ARMC6: variants seen among roughly 807,000 people sequenced by gnomAD.
ARMC6 encodes armadillo repeat containing 6.
A neutral mutation model predicts 49.2 loss-of-function variants in ARMC6; 43 were observed. The ratio of observed to expected loss-of-function variants is 0.87; its 90% confidence interval spans 0.69 to 1.13. The LOEUF (loss-of-function observed/expected upper bound fraction) is 1.13, where lower values mean the gene tolerates loss of function less well. Among genes scored for constraint, ARMC6 ranks in the 50% most tolerant of loss-of-function variants. The probability of loss-of-function intolerance (pLI) is 0.00; values close to 1 mark genes in which losing one functional copy is unlikely to be tolerated. For synonymous variants in ARMC6, 262 were observed against 289.6 expected (o/e 0.90, Z 0.97); for missense variants, 627 against 682.0 (o/e 0.92, Z 0.90).
intron 4 of ARMC6, among the ~76,000 whole-genome samples, chr19:19,049,090 T>C (rs1447712357): frequency 7.4e-6 from 1 of 134,758 alleles, no homozygotes; most frequent in Admixed American, 8.1e-5. Context: ...TGAGACAGGG[T>C]CTCCCCAGCT....
At chr19:19,034,673 C>T (rs1207443574) in intron 2 of ARMC6, among the ~76,000 whole-genome samples, 1 of 152,146 alleles carries the variant, frequency 6.6e-6, no homozygotes, top group African/African-American at 2.4e-5. Flanking sequence ...ACTGCAACCT[C>T]CACCTCCCGG....
intron 4 of ARMC6, among the ~76,000 whole-genome samples, chr19:19,046,228 G>A (rs761165233): frequency 5.3e-5 from 8 of 151,320 alleles, no homozygotes; most frequent in Non-Finnish European, 1.0e-4. Context: ...ACAGAGTCTC[G>A]CTCTGTCGCC....
intron 4 of ARMC6, among the ~76,000 whole-genome samples, chr19:19,051,214 T>G (rs1568494229): frequency 1.3e-5 from 2 of 152,156 alleles, no homozygotes; most frequent in Non-Finnish European, 2.9e-5. Context: ...TCTTATTGTT[T>G]CTTGTGATTC....
At chr19:19,054,835 G>T (rs1599650177) in intron 6 of ARMC6, among the ~76,000 whole-genome samples, 1 of 152,170 alleles carries the variant, frequency 6.6e-6, no homozygotes, top group African/African-American at 2.4e-5. Context: ...AGCTGAATGG[G>T]AACCAACTTC....
In ARMC6 at chr19:19,054,340, C is replaced by T; in HGVS notation, c.1023+19C>T. The T allele has an allele frequency of 6.6e-7, 1 of 1,515,928 alleles. No individual in the cohort carries two copies. The highest frequency in any genetic ancestry group is 1.3e-5 in the South Asian group (1 of 77,724). 93.9% of individuals were successfully genotyped at this position (1,515,928 alleles called of 1,614,324 possible). A position where few individuals can be genotyped will look rare whatever the true frequency, so the allele number is the denominator to read the frequency against. ...CGTTCAGGTATGAAGTCCCCCTGGC[C>T]CATTGCGTGCTGTCCTTCTGGGTCC... On this transcript the variant is annotated intron_variant, in intron 6 of 8. Coordinates refer to ENST00000535612, the MANE Select transcript of ARMC6 (RefSeq NM_001199196.2).
At chr19:19,043,016 C>G (rs4808909) in intron 3 of ARMC6, 139 bp downstream of exon 3, 98,127 of 1,083,740 alleles carry the variant, frequency 0.091, 5,304 homozygotes, top group African/African-American at 0.19. Context: ...TCCCCTCCAG[C>G]TTCTGCCCGA....
intron 5 of ARMC6, 98 bp downstream of exon 5, chr19:19,052,293 G>C (rs1327261451): frequency 8.7e-7 from 1 of 1,155,922 alleles, no homozygotes; most frequent in Non-Finnish European, 1.2e-6. Flanking sequence ...AGGCACGGCA[G>C]GCTCAAGGCT....
intron 3 of ARMC6, among the ~76,000 whole-genome samples, chr19:19,043,759 C>T (rs116574519): frequency 0.014 from 2,181 of 152,212 alleles, 48 homozygotes; most frequent in African/African-American, 0.047. Flanking sequence ...TGTGTGACAA[C>T]GGCCTCACTA....
chr19:19,035,768 G>T (rs34750402), intron 2 of ARMC6, among the ~76,000 whole-genome samples: 115,764 of 151,752 alleles, frequency 0.76, 44,311 homozygotes, highest in East Asian at 0.89. Flanking sequence ...GTGTCAATCA[G>T]TTAGAAAGCT....
chr19:19,051,660 C>T lies in ARMC6; in HGVS notation c.318C>T (p.Arg106=). ...SDLQESVASS[R]PQEVSAYLTR... Reference sequence around the variant, plus strand: ...TCCAGGAGTCTGTGGCCAGCTCTCGCCCCCAGGAGGTGTCAGCATACCTCA... The same window carrying T: ...TCCAGGAGTCTGTGGCCAGCTCTCGTCCCCAGGAGGTGTCAGCATACCTCA... The change falls in exon 5 of 9, where the codon CGC becomes CGT. Residue 106 remains arginine, a synonymous_variant. Coordinates refer to ENST00000535612, the MANE Select transcript of ARMC6 (RefSeq NM_001199196.2). 1 of 1,611,254 alleles carries T rather than the reference C, an allele frequency of 6.2e-7. No individual in the cohort carries two copies. Among genetic ancestry groups the T allele is most frequent in the East Asian group, 2.2e-5 (1 of 44,854 alleles).
Position 19,057,516 on chromosome 19 carries a change from G to T in ARMC6, c.1394G>T (p.Arg465Leu). ...LGAEALIMQA[R>L]SAHRDCEDVA... The stretch of plus-strand genomic sequence containing the variant: ...GCTGAGGCACTCATCATGCAGGCCC[G>T]ATCTGCCCACCGTGACTGTGAGGAC... The change falls in exon 9 of 9, where the codon CGA becomes CTA. Residue 465 changes from arginine (R) to leucine (L), a missense_variant. Transcript: ENST00000535612. 1 of 1,613,958 alleles carries T rather than the reference G, an allele frequency of 6.2e-7. No individual in the cohort carries two copies. The highest frequency in any genetic ancestry group is 8.5e-7 in the Non-Finnish European group (1 of 1,180,012).
At position 19,054,247 on chromosome 19, in the gene ARMC6, G is replaced by C; in HGVS notation, c.949G>C (p.Gly317Arg). Residue 317 changes from glycine to arginine, a missense_variant, in exon 6 of 9, where the codon GGG (glycine) becomes CGG (arginine). Gly to Arg is a moderately radical substitution (Grantham distance 125). Transcript: ENST00000535612. ...GTTCTGCCAGGAGGTCGTCGACCTCGGGGGCCTGAGCATTCTGGTGTCCCT... is the reference window on the plus strand; with the variant it reads ...GTTCTGCCAGGAGGTCGTCGACCTCCGGGGCCTGAGCATTCTGGTGTCCCT... ...NEFCQEVVDLGGLSILVSLLA... is the reference protein window; with the variant it reads ...NEFCQEVVDLRGLSILVSLLA... 6.2e-7 allele frequency: 1 copy of C among 1,611,544 alleles called. No individual in the cohort carries two copies. Among genetic ancestry groups the C allele is most frequent in the Middle Eastern group, 1.7e-4 (1 of 6,046 alleles).
Position 19,043,976 on chromosome 19 carries a change from C to T in ARMC6, c.197-16C>T. The stretch of plus-strand genomic sequence containing the variant: ...CTTTCTGACCCCTGTGTGCTTGCTT[C>T]CCCCACCCCCAACAGGGGTTGATCT... On this transcript the variant is annotated splice_polypyrimidine_tract_variant and intron_variant, in intron 3 of 8. Coordinates refer to ENST00000535612, the MANE Select transcript of ARMC6 (RefSeq NM_001199196.2). The T allele has an allele frequency of 6.2e-7, 1 of 1,612,416 alleles. No individual in the cohort carries two copies.
intron 4 of ARMC6, among the ~76,000 whole-genome samples, chr19:19,050,968 A>T (rs2059490930): frequency 6.6e-6 from 1 of 152,244 alleles, no homozygotes. Flanking sequence ...TGAGTTGTTT[A>T]AAGTATTTTC....
At position 19,055,465 on chromosome 19, in the gene ARMC6, G is replaced by A; in HGVS notation, c.1155+69G>A. On this transcript the variant is annotated intron_variant, in intron 7 of 8. Transcript: ENST00000535612. This position sits in a 1 kb window ranked among gnomAD's most constrained non-coding sequence, Gnocchi z 5.7. ...GAGTCCCAGTTCAGTTTCTGTATCT[G>A]CATGAAGCTCTATTCCCCTGCAGGG... 3 of 1,526,532 alleles carry A rather than the reference G, an allele frequency of 2.0e-6. No individual in the cohort carries two copies. In the South Asian group the frequency reaches 3.8e-5, roughly 20 times the overall value. The allele number at this position is 1,526,532 out of a possible 1,614,324, so 94.6% of individuals were successfully genotyped here.
At position 19,052,030 on chromosome 19, in the gene ARMC6, A is replaced by T. The variant is rs749897974; in HGVS notation, c.688A>T (p.Thr230Ser). 1.2e-5 allele frequency: 19 copies of T among 1,613,790 alleles called. No homozygotes were observed. In the South Asian group the frequency reaches 2.1e-4, roughly 18 times the overall value. The change falls in exon 5 of 9, where the codon ACC (threonine) becomes TCC (serine). Residue 230 changes from threonine to serine, a missense_variant. Physicochemically the swap from Thr to Ser is moderately conservative, Grantham distance 58. Transcript: ENST00000535612. ...GCTGCCTCTGCTGACTGGTGCCATC[A>T]CCCATCATGGCCACCACACTGACGT... The part of the protein sequence containing the change: ...GVLPLLTGAI[T>S]HHGHHTDVVR...
rs780131030 is a variant in ARMC6, at chr19:19,054,173, T to A, written c.875T>A (p.Ile292Asn). The change falls in exon 6 of 9, where the codon ATC becomes AAC. Residue 292 changes from isoleucine to asparagine, a missense_variant. By Grantham distance (149) the Ile-to-Asn change is moderately radical (BLOSUM62 -3). Transcript: ENST00000535612. ...GCAGCGTTCCTGGATAACCCTGGCA[T>A]CCTGAGCGAGCTCTGTGGAACCCTG... ...ATKAFLDNPG[I>N]LSELCGTLSR... is the part of the protein sequence containing the mutation. 1 of 1,595,522 alleles carries A rather than the reference T, an allele frequency of 6.3e-7. No homozygotes were observed. The highest frequency in any genetic ancestry group is 8.5e-7 in the Non-Finnish European group (1 of 1,171,010).
chr19:19,052,246 T>G (rs760694646), intron 5 of ARMC6, 51 bp downstream of exon 5: 224 of 1,501,164 alleles, frequency 1.5e-4, no homozygotes, highest in Non-Finnish European at 1.9e-4. Context: ...GCGGGTCAGA[T>G]GTGACCAGAG....
intron 3 of ARMC6, among the ~76,000 whole-genome samples, chr19:19,043,314 C>A (rs2059424516): frequency 6.6e-6 from 1 of 152,194 alleles, no homozygotes; most frequent in African/African-American, 2.4e-5. Context: ...GAGACCACCC[C>A]TAGCACAACT....
Sources: allele counts gnomAD v4.1 joint callset (sites outside exome capture counted in the v4.1 genomes callset), GRCh38; gene constraint gnomAD v4.1.1; non-coding constraint Gnocchi (gnomAD v3.1); transcripts MANE v1.5; gene names NCBI Gene and HGNC (gene_info 2026-07-23, HGNC 2026-07-21).